Variants in RBFOX1 observed in about 807,000 individuals in gnomAD.
RBFOX1 encodes the protein RNA binding fox-1 homolog 1.
A neutral mutation model predicts 57.7 loss-of-function variants in RBFOX1; 8 were observed. The ratio of observed to expected loss-of-function variants is 0.14; its 90% confidence interval spans 0.08 to 0.25. The LOEUF is 0.25. Among genes scored for constraint, RBFOX1 ranks in the 10% least tolerant of loss-of-function variants. The probability of loss-of-function intolerance (pLI) is 1.00; values close to 1 mark genes in which losing one functional copy is unlikely to be tolerated. For missense variants in RBFOX1, 611 were observed against 548.5 expected, an observed-to-expected ratio of 1.11 and a Z score of -1.14; for synonymous variants, 326 against 222.4, an observed-to-expected ratio of 1.47 and a Z score of -4.15.
chr16:6,105,119 A>T lies in RBFOX1; in HGVS notation c.-127+85127A>T, dbSNP rs17139424. 6.6e-4 allele frequency among the ~76,000 whole-genome samples: 101 copies of T among 152,274 alleles called. 1 individual carries two copies. The East Asian group carries it at 0.016, about 24-fold the overall frequency. ...TTGCCAGAGCCATATTAAAAAGGAA[A>T]CCATCTTACAGCTCATCATTCCTCT... On this transcript the variant is annotated intron_variant, in intron 1 of 15. Coordinates refer to ENST00000550418, the MANE Select transcript of RBFOX1 (RefSeq NM_018723.4).
intron 1 of RBFOX1, among the ~76,000 whole-genome samples, chr16:6,107,339 C>T (rs992946714): frequency 1.1e-4 from 16 of 151,980 alleles, no homozygotes; most frequent in African/African-American, 1.9e-4. Flanking sequence ...TTTCCTAACA[C>T]AGCATTAATA....
At chr16:7,308,064 T>C (rs543001400) in intron 4 of RBFOX1, among the ~76,000 whole-genome samples, 1 of 152,250 alleles carries the variant, frequency 6.6e-6, no homozygotes, top group East Asian at 1.9e-4. Flanking sequence ...GCAAGCTAGG[T>C]CAAAAGAGAA....
At position 5,971,334 on chromosome 16, in the gene RBFOX1, C is replaced by G. The variant is rs2059958272; in HGVS notation, c.351+103999C>G. 2.0e-5 allele frequency among the ~76,000 whole-genome samples: 3 copies of G among 152,124 alleles called. No individual in the cohort carries two copies. The South Asian group carries it at 6.2e-4, about 32-fold the overall frequency. On this transcript the variant is annotated intron_variant, in intron 4 of 19. Transcript: ENST00000641259. Reference sequence around the variant, plus strand: ...TGACATCATGTGTGGACGTTATCCTCAAGAAGAGGAAGAGGAAGTTCATAG... The same window carrying G: ...TGACATCATGTGTGGACGTTATCCTGAAGAAGAGGAAGAGGAAGTTCATAG...
intron 2 of RBFOX1, among the ~76,000 whole-genome samples, chr16:6,440,692 T>C (rs2094357784): frequency 6.6e-6 from 1 of 151,670 alleles, no homozygotes; most frequent in African/African-American, 2.4e-5. Context: ...TCCCAACTAC[T>C]TGGGAGGCTG....
At chr16:5,900,938 C>A (rs1355587749) in intron 4 of RBFOX1, among the ~76,000 whole-genome samples, 1 of 152,216 alleles carries the variant, frequency 6.6e-6, no homozygotes, top group Non-Finnish European at 1.5e-5. Flanking sequence ...TTGGGAGAGA[C>A]TGACAGTGCA....
At chr16:7,473,805 A>C (rs4141145) in intron 4 of RBFOX1, among the ~76,000 whole-genome samples, 148,504 of 152,160 alleles carry the variant, frequency 0.98, 72,479 homozygotes, top group East Asian at 1. Flanking sequence ...ATTCTCATCT[A>C]CTAATTGCTT....
At chr16:5,516,048 C>A (rs66521215) in intron 2 of RBFOX1, among the ~76,000 whole-genome samples, 8,870 of 152,234 alleles carry the variant, frequency 0.058, 431 homozygotes, top group African/African-American at 0.13. Context: ...CCCAAGGTAG[C>A]TAGTCTTAGT....
At chr16:6,415,417 C>T (rs563888809) in intron 2 of RBFOX1, among the ~76,000 whole-genome samples, 6 of 151,510 alleles carry the variant, frequency 4.0e-5, no homozygotes, top group South Asian at 2.1e-4. Context: ...GAGTCTGGGC[C>T]GGGCGTGGTG....
intron 4 of RBFOX1, among the ~76,000 whole-genome samples, chr16:7,508,121 G>A (rs1408089567): frequency 6.6e-6 from 1 of 151,998 alleles, no homozygotes; most frequent in African/African-American, 2.4e-5. Context: ...AAAGTAGCTG[G>A]GATTACAGGC....
intron 3 of RBFOX1, among the ~76,000 whole-genome samples, chr16:6,680,065 G>A (rs1052879714): frequency 2.0e-5 from 3 of 151,792 alleles, no homozygotes; most frequent in African/African-American, 4.8e-5. Flanking sequence ...GTGGTCTTGA[G>A]GAAATCTGAA....
intron 4 of RBFOX1, among the ~76,000 whole-genome samples, chr16:7,404,437 T>C (rs965962095): frequency 6.6e-6 from 1 of 152,194 alleles, no homozygotes; most frequent in Non-Finnish European, 1.5e-5. Context: ...CAGTGATAGC[T>C]TCTTAGAGGT....
chr16:7,290,746 A>T (rs534247170), intron 4 of RBFOX1, among the ~76,000 whole-genome samples: 76 of 152,302 alleles, frequency 5.0e-4, no homozygotes, highest in Non-Finnish European at 9.1e-4. Context: ...TGTGTACAGG[A>T]TGGGGGCGTG....
chr16:5,923,909 T>C (rs2058888475), intron 4 of RBFOX1, among the ~76,000 whole-genome samples: 1 of 152,158 alleles, frequency 6.6e-6, no homozygotes, highest in South Asian at 2.1e-4. Flanking sequence ...TTCCTGGCTT[T>C]CCTACTGACA....
At chr16:6,707,472 A>ATTTTTTT (rs1233122392) in intron 3 of RBFOX1, among the ~76,000 whole-genome samples, 7 of 89,944 alleles carry the variant, frequency 7.8e-5, no homozygotes, top group African/African-American at 3.2e-4. Context: ...ATGGCTTCCC[A>ATTTTTTT]TTTTTGTTTT....
chr16:7,416,875 A>G (rs1007467500), intron 4 of RBFOX1, among the ~76,000 whole-genome samples: 1 of 152,116 alleles, frequency 6.6e-6, no homozygotes, highest in African/African-American at 2.4e-5. Flanking sequence ...TCAATCCCCG[A>G]CAACAACCCT....
At chr16:7,221,359 A>AT (rs1311411973) in intron 4 of RBFOX1, among the ~76,000 whole-genome samples, 1 of 150,084 alleles carries the variant, frequency 6.7e-6, no homozygotes, top group African/African-American at 2.5e-5. Flanking sequence ...TTATTTATTT[A>AT]TTTATTTTTT....
intron 3 of RBFOX1, among the ~76,000 whole-genome samples, chr16:5,817,836 A>T (rs2055697826): frequency 1.3e-5 from 2 of 151,664 alleles, no homozygotes; most frequent in African/African-American, 4.9e-5. Context: ...GACTACAGGC[A>T]CCCACCACCA....
At chr16:7,229,640 GAA>G in intron 4 of RBFOX1, among the ~76,000 whole-genome samples, 2 of 112,632 alleles carry the variant, frequency 1.8e-5, no homozygotes, top group African/African-American at 3.1e-5. Context: ...GGAAGGGAAG[GAA>G]GGGAGAGAGA....
chr16:6,279,317 T>C (rs1254519136), intron 1 of RBFOX1, among the ~76,000 whole-genome samples: 1 of 152,204 alleles, frequency 6.6e-6, no homozygotes, highest in African/African-American at 2.4e-5. Flanking sequence ...TAGAATTTTA[T>C]TAACTAGCAC....
Sources: gnomAD v4.1 joint callset for allele counts (sites outside exome capture counted in the v4.1 genomes callset) on GRCh38, gnomAD v4.1.1 for gene constraint, MANE v1.5 for transcripts, NCBI Gene and HGNC (gene_info 2026-07-23, HGNC 2026-07-21) for gene names.